Variants in CYP2U1 observed in about 807,000 individuals in gnomAD.
CYP2U1 encodes the protein cytochrome P450 2U1.
Under a neutral mutation model 42.8 loss-of-function variants are expected in CYP2U1, and 28 were observed. The observed-to-expected ratio is 0.65, with a 90% CI of 0.48 to 0.90. CYP2U1 has a LOEUF of 0.90. Ranked by LOEUF, CYP2U1 falls within the 40% of genes least tolerant of loss-of-function variation. CYP2U1 has a pLI of 0.00. For missense variants in CYP2U1, 642 were observed against 693.8 expected (o/e 0.93, Z 0.84); for synonymous variants, 296 against 278.9 (o/e 1.06, Z -0.61).
In CYP2U1 at chr4:107,945,280, C is replaced by T. The variant is rs1733656555; in HGVS notation, c.801C>T (p.Val267=). The T allele has an allele frequency of 3.1e-6, 5 of 1,613,934 alleles. No individual in the cohort carries two copies. Among genetic ancestry groups the T allele is most frequent in the African/African-American group, 1.3e-5 (1 of 74,874 alleles). Residue 267 remains valine, a synonymous_variant, in exon 2 of 5, where the codon GTC becomes GTT. Transcript: ENST00000332884. ...RGLEICLNSQ[V]LLVNICPWLY... is the part of the protein sequence containing the mutation. ...TAGAAATCTGTCTGAACAGTCAAGT[C>T]CTCCTGGTCAACATATGCCCTTGGC...
intron 3 of CYP2U1, among the ~76,000 whole-genome samples, chr4:107,948,162 G>A (rs1489099183): frequency 6.6e-6 from 1 of 151,232 alleles, no homozygotes; most frequent in Non-Finnish European, 1.5e-5. Context: ...CAGCTACTCA[G>A]GAGGCTGAGG....
chr4:107,948,259 C>T (rs1184743517), intron 3 of CYP2U1, among the ~76,000 whole-genome samples: 11 of 74,776 alleles, frequency 1.5e-4, no homozygotes, highest in Non-Finnish European at 2.5e-4. Context: ...AAGCCTCTGT[C>T]TCAAAAAAAA....
rs528248290 is a variant in CYP2U1 at position 107,931,588 on chromosome 4, G to C, written c.-56G>C. The stretch of plus-strand genomic sequence containing the variant: ...CACTGGCGCCGCGGGTCAGGCAGCT[G>C]CGTGCGCGTCTCCTCCAGGCAGCAA... On this transcript the variant is annotated 5_prime_UTR_variant, in exon 1 of 5. Coordinates refer to ENST00000332884, the MANE Select transcript of CYP2U1 (RefSeq NM_183075.3). 8.1e-7 allele frequency: 1 copy of C among 1,229,852 alleles called. No individual in the cohort carries two copies. The highest frequency in any genetic ancestry group is 3.9e-5 in the South Asian group (1 of 25,834). The allele number at this position is 1,229,852 out of a possible 1,614,324, so 76.2% of individuals were successfully genotyped here. A position where few individuals can be genotyped will look rare whatever the true frequency, so the allele number is the denominator to read the frequency against.
intron 1 of CYP2U1, chr4:107,935,689 T>C (rs1733235342): frequency 6.6e-6 from 1 of 152,200 alleles, no homozygotes; most frequent in Non-Finnish European, 1.5e-5. Context: ...GTGAGTGGAC[T>C]TCCCAGATCA....
At chr4:107,937,127 T>C (rs1733300423) in intron 1 of CYP2U1, among the ~76,000 whole-genome samples, 1 of 152,058 alleles carries the variant, frequency 6.6e-6, no homozygotes, top group Admixed American at 6.5e-5. Context: ...GCCATAAAAA[T>C]AGAAGGCAAA....
At chr4:107,932,219 C>A (rs751818152) in intron 1 of CYP2U1, 86 bp downstream of exon 1, 3 of 1,473,620 alleles carry the variant, frequency 2.0e-6, no homozygotes, top group Non-Finnish European at 2.7e-6. Context: ...TGTGCCCCTT[C>A]CGGCCGCCCG....
In CYP2U1 at chr4:107,931,728, C is replaced by A; in HGVS notation, c.85C>A (p.Arg29=). ...RLLRAPLGLL[R]LDPSGGALLL... ...CCTGCGTGCGCCTCTGGGGCTGCTG[C>A]GGCTGGACCCCAGCGGGGGCGCGCT... Residue 29 remains arginine (R), a synonymous_variant, in exon 1 of 5, where the codon CGG becomes AGG. Coordinates refer to ENST00000332884, the MANE Select transcript of CYP2U1 (RefSeq NM_183075.3). The A allele has an allele frequency of 7.1e-7, 1 of 1,402,166 alleles. No homozygotes were observed. The highest frequency in any genetic ancestry group is 3.4e-5 in the Admixed American group (1 of 29,378). The allele number at this position is 1,402,166 out of a possible 1,614,324, so 86.9% of individuals were successfully genotyped here. A position where few individuals can be genotyped will look rare whatever the true frequency, so the allele number is the denominator to read the frequency against.
At chr4:107,932,210 G>T in intron 1 of CYP2U1, 77 bp downstream of exon 1, 1 of 1,494,022 alleles carries the variant, frequency 6.7e-7, no homozygotes, top group Non-Finnish European at 8.9e-7. Context: ...TGCAGTTCCT[G>T]TGCCCCTTCC....
chr4:107,944,755 ATTT>A (rs1733620403), intron 1 of CYP2U1, among the ~76,000 whole-genome samples: 1 of 146,622 alleles, frequency 6.8e-6, no homozygotes, highest in African/African-American at 2.5e-5. Flanking sequence ...CTTAGATATG[ATTT>A]TTGTTATTAT....
At chr4:107,941,681 G>C (rs998405) in intron 1 of CYP2U1, among the ~76,000 whole-genome samples, 25,841 of 151,522 alleles carry the variant, frequency 0.17, 2,415 homozygotes, top group Non-Finnish European at 0.21. Context: ...ACTGCAGCTA[G>C]AGTAGTACCC....
rs1202200741 is a variant in CYP2U1 at position 107,950,896 on chromosome 4, A to C, written c.*473A>C. 2.0e-5 allele frequency: 3 copies of C among 153,678 alleles called. No individual in the cohort carries two copies. Among genetic ancestry groups the C allele is most frequent in the Admixed American group, 6.4e-5 (1 of 15,576 alleles). 9.5% of individuals were successfully genotyped at this position (153,678 alleles called of 1,614,324 possible). On this transcript the variant is annotated 3_prime_UTR_variant, in exon 5 of 5. Coordinates refer to ENST00000332884, the MANE Select transcript of CYP2U1 (RefSeq NM_183075.3). The stretch of plus-strand genomic sequence containing the variant: ...AGAAGATCTATCAGCTGGCTTTTAA[A>C]GACCTATGACAACATGAAAGTGGTG...
chr4:107,942,658 A>G (rs1019470155), intron 1 of CYP2U1, among the ~76,000 whole-genome samples: 1 of 152,176 alleles, frequency 6.6e-6, no homozygotes, highest in East Asian at 1.9e-4. Flanking sequence ...AGACAGCATT[A>G]CAGATTGGTG....
At chr4:107,933,164 C>A (rs1219620300) in intron 1 of CYP2U1, among the ~76,000 whole-genome samples, 2 of 152,110 alleles carry the variant, frequency 1.3e-5, no homozygotes, top group African/African-American at 4.8e-5. Flanking sequence ...TTGTATGATC[C>A]ACTTATATGA....
intron 4 of CYP2U1, 33 bp from the exon 5 acceptor site, chr4:107,950,212 T>C: frequency 6.4e-7 from 1 of 1,566,058 alleles, no homozygotes; most frequent in South Asian, 1.2e-5. Context: ...GATGGTATTA[T>C]AATCCTTCAT....
At chr4:107,932,568 T>C (rs1409955832) in intron 1 of CYP2U1, among the ~76,000 whole-genome samples, 2 of 152,196 alleles carry the variant, frequency 1.3e-5, no homozygotes, top group East Asian at 3.8e-4. Flanking sequence ...GAAGATAATT[T>C]CCAATAAGAT....
intron 1 of CYP2U1, among the ~76,000 whole-genome samples, chr4:107,943,091 A>G (rs1733554732): frequency 6.6e-6 from 1 of 152,228 alleles, no homozygotes; most frequent in South Asian, 2.1e-4. Flanking sequence ...ATAACCGTAT[A>G]AAAAGCTGCT....
At position 107,932,107 on chromosome 4, in the gene CYP2U1, T is replaced by C. The variant is rs1733016172; in HGVS notation, c.464T>C (p.Leu155Pro). 6.2e-7 allele frequency: 1 copy of C among 1,602,602 alleles called. No homozygotes were observed. The highest frequency in any genetic ancestry group is 1.3e-5 in the African/African-American group (1 of 74,798). Reference protein sequence around the residue: ...EVFSDRPRVPLISIVTKEKGV... With the variant: ...EVFSDRPRVPPISIVTKEKGV... Reference sequence around the variant, plus strand: ...TTCAGCGACCGCCCGCGGGTGCCGCTCATCTCCATCGTGACCAAGGAGAAG... The same window carrying C: ...TTCAGCGACCGCCCGCGGGTGCCGCCCATCTCCATCGTGACCAAGGAGAAG... Residue 155 changes from leucine (L) to proline (P), a missense_variant, in exon 1 of 5, where the codon CTC becomes CCC. Coordinates refer to ENST00000332884, the MANE Select transcript of CYP2U1 (RefSeq NM_183075.3).
Position 107,947,251 on chromosome 4 carries a change from C to T in CYP2U1, c.1127-125C>T, listed in dbSNP as rs1009583457. 3.2e-5 allele frequency: 25 copies of T among 781,254 alleles called. No individual in the cohort carries two copies. The South Asian group carries it at 3.3e-4, about 10-fold the overall frequency. 48.4% of individuals were successfully genotyped at this position (781,254 alleles called of 1,614,324 possible). A position where few individuals can be genotyped will look rare whatever the true frequency, so the allele number is the denominator to read the frequency against. On this transcript the variant is annotated intron_variant, in intron 2 of 4. Transcript: ENST00000332884. ...GACCAATGCTTCAACTTCACTGAGGCAGAATCAGGCCTGAACTGCCAACTG... is the reference window on the plus strand; with the variant it reads ...GACCAATGCTTCAACTTCACTGAGGTAGAATCAGGCCTGAACTGCCAACTG...
chr4:107,941,562 T>C (rs751979047), intron 1 of CYP2U1, among the ~76,000 whole-genome samples: 90 of 151,472 alleles, frequency 5.9e-4, no homozygotes, highest in Non-Finnish European at 1.2e-3. Flanking sequence ...ATGTCAAATA[T>C]CAGCATAAGA....
Sources: gnomAD v4.1 joint callset for allele counts (sites outside exome capture counted in the v4.1 genomes callset) on GRCh38, gnomAD v4.1.1 for gene constraint, MANE v1.5 for transcripts, NCBI Gene and HGNC (gene_info 2026-07-23, HGNC 2026-07-21) for gene names.